Variants in SETX observed in about 807,000 individuals in gnomAD.
SETX encodes the protein helicase senataxin.
Under a neutral mutation model 227.2 loss-of-function variants are expected in SETX, and 90 were observed. That is an observed-to-expected ratio of 0.40 (90% CI 0.33 to 0.47). The LOEUF (loss-of-function observed/expected upper bound fraction) is 0.47. SETX is among the 20% of genes least tolerant of loss of function. The probability of loss-of-function intolerance (pLI) is 0.91; values close to 1 mark genes in which losing one functional copy is unlikely to be tolerated. For missense variants in SETX, 3,052 were observed against 3,181.5 expected (o/e 0.96, Z 0.98); for synonymous variants, 1,210 against 1,113.2 (o/e 1.09, Z -1.73).
chr9:132,335,307 C>A (rs796902714), intron 6 of SETX, among the ~76,000 whole-genome samples: 18 of 132,662 alleles, frequency 1.4e-4, no homozygotes, highest in African/African-American at 4.7e-4. Context: ...AGGAGAATGG[C>A]GTGAACCCAG....
At chr9:132,317,366 C>T (rs919921960) in intron 10 of SETX, among the ~76,000 whole-genome samples, 3 of 152,168 alleles carry the variant, frequency 2.0e-5, no homozygotes, top group African/African-American at 7.2e-5. Context: ...TTCATTGCTC[C>T]ATTTTTGTCA....
intron 5 of SETX, among the ~76,000 whole-genome samples, chr9:132,342,062 T>A (rs1848008951): frequency 6.6e-6 from 1 of 152,320 alleles, no homozygotes; most frequent in Non-Finnish European, 1.5e-5. Flanking sequence ...GTAATTTTTC[T>A]TGCCTTACAT....
chr9:132,297,715 T>C (rs1343401705), intron 13 of SETX, among the ~76,000 whole-genome samples: 1 of 152,220 alleles, frequency 6.6e-6, no homozygotes, highest in Non-Finnish European at 1.5e-5. Flanking sequence ...GCTTCACATG[T>C]TCAGTTGACA....
rs1427485242 is a variant in SETX, at chr9:132,264,460, G to A, written c.7813C>T (p.Arg2605Trp). 22 of 1,613,758 alleles carry A rather than the reference G, an allele frequency of 1.4e-5. No individual in the cohort carries two copies. The highest frequency in any genetic ancestry group is 4.4e-5 in the South Asian group (4 of 91,078). Residue 2605 changes from arginine to tryptophan, a missense_variant, in exon 26 of 26, where the codon CGG (arginine) becomes TGG (tryptophan). This residue lies in a region of SETX where 294 missense variants were observed against 278.8 expected (regional missense o/e 1.05). Transcript: ENST00000224140. Reference protein sequence around the residue: ...AALSSHKPPVRGEPPAASPEA... With the variant: ...AALSSHKPPVWGEPPAASPEA... ...GGACTGGCAGCTGGAGGTTCGCCCCGCACGGGAGGTTTGTGGCTGCTCAGA... is the reference window on the plus strand; with the variant it reads ...GGACTGGCAGCTGGAGGTTCGCCCCACACGGGAGGTTTGTGGCTGCTCAGA...
rs368602563 is a variant in SETX at position 132,271,745 on chromosome 9, C to G, written c.7164G>C (p.Thr2388=). 19 of 1,614,012 alleles carry G rather than the reference C, an allele frequency of 1.2e-5. No individual in the cohort carries two copies. The Admixed American group carries it at 1.7e-4, about 14-fold the overall frequency. ...CTTGGATGCTATTTGCTCTGACACA[C>G]GTAACAATAACACAATCCTTCTGCC... ...QGRQKDCVIV[T]CVRANSIQGS... is the part of the protein sequence containing the mutation. Residue 2388 remains threonine (T), a synonymous_variant, in exon 24 of 26, where the codon ACG becomes ACC. Transcript: ENST00000224140.
intron 17 of SETX, among the ~76,000 whole-genome samples, chr9:132,286,784 C>T (rs1843927146): frequency 6.6e-6 from 1 of 152,244 alleles, no homozygotes; most frequent in Non-Finnish European, 1.5e-5. Context: ...AAATCACACC[C>T]CAACCATTCC....
At chr9:132,325,270 A>G (rs1472409006) in intron 10 of SETX, among the ~76,000 whole-genome samples, 1 of 151,914 alleles carries the variant, frequency 6.6e-6, no homozygotes, top group African/African-American at 2.4e-5. Flanking sequence ...GCAGGAGAAC[A>G]GCCTGAACCC....
Position 132,326,960 on chromosome 9 carries a change from G to A in SETX, c.4638C>T (p.Gly1546=). 4 of 1,614,178 alleles carry A rather than the reference G, an allele frequency of 2.5e-6. No homozygotes were observed. The highest frequency in any genetic ancestry group is 3.4e-6 in the Non-Finnish European group (4 of 1,180,038). ...VSRPQLESLS[G]TKCKYKDCLE... ...GACAATCTTTGTACTTACACTTTGT[G>A]CCACTCAAAGATTCCAACTGAGGCC... Residue 1546 remains glycine (G), a synonymous_variant, in exon 10 of 26, where the codon GGC becomes GGT. Coordinates refer to ENST00000224140, the MANE Select transcript of SETX (RefSeq NM_015046.7).
At chr9:132,292,921 G>A (rs1286444718) in intron 15 of SETX, among the ~76,000 whole-genome samples, 2 of 152,102 alleles carry the variant, frequency 1.3e-5, no homozygotes, top group Non-Finnish European at 2.9e-5. Context: ...ACAGGCGTCA[G>A]CCACCGCACC....
At chr9:132,284,884 G>GTT (rs958802713) in intron 18 of SETX, among the ~76,000 whole-genome samples, 2 of 140,622 alleles carry the variant, frequency 1.4e-5, no homozygotes, top group East Asian at 2.0e-4. Context: ...TTTTTTTGTT[G>GTT]TTTTTTTTTT....
At chr9:132,283,189 T>C (rs2131212066) in intron 19 of SETX, 75 bp downstream of exon 19, 1 of 1,586,426 alleles carries the variant, frequency 6.3e-7, no homozygotes, top group South Asian at 1.1e-5. Context: ...TCCTCAACAT[T>C]TCAGCAGCCA....
Position 132,327,441 on chromosome 9 carries a change from A to G in SETX, c.4157T>C (p.Ile1386Thr). 1 of 1,614,174 alleles carries G rather than the reference A, an allele frequency of 6.2e-7. No individual in the cohort carries two copies. Among genetic ancestry groups the G allele is most frequent in the Non-Finnish European group, 8.5e-7 (1 of 1,180,034 alleles). The change falls in exon 10 of 26, where the codon ATA (isoleucine) becomes ACA (threonine). Residue 1386 changes from isoleucine (I) to threonine (T), a missense_variant. This residue lies in a region of SETX where 1,483 missense variants were observed against 1,312.0 expected (regional missense o/e 1.13). Transcript: ENST00000224140. ...AGSHTAQNSD[I>T]FVPESDRSDY... is the part of the protein sequence containing the mutation. ...TGACCTATCAGATTCTGGTACAAATATGTCAGAATTCTGTGCTGTATGTGA... is the reference window on the plus strand; with the variant it reads ...TGACCTATCAGATTCTGGTACAAATGTGTCAGAATTCTGTGCTGTATGTGA...
At chr9:132,313,673 C>T (rs2131364059) in intron 10 of SETX, among the ~76,000 whole-genome samples, 1 of 152,096 alleles carries the variant, frequency 6.6e-6, no homozygotes, top group East Asian at 1.9e-4. Flanking sequence ...CTAGTAGTTT[C>T]ACACTAAATG....
chr9:132,269,257 TG>T, intron 25 of SETX: 2 of 465,184 alleles, frequency 4.3e-6, no homozygotes, highest in Non-Finnish European at 7.3e-6. Context: ...AAACTCTCTC[TG>T]GCATTAAGCT....
chr9:132,325,514 A>G (rs915622698), intron 10 of SETX, among the ~76,000 whole-genome samples: 5 of 152,246 alleles, frequency 3.3e-5, no homozygotes, highest in African/African-American at 9.6e-5. Flanking sequence ...ACAAATGCAC[A>G]TGGGAAACTA....
chr9:132,291,202 T>C (rs1274136967), intron 15 of SETX, among the ~76,000 whole-genome samples: 2 of 144,790 alleles, frequency 1.4e-5, no homozygotes, highest in Admixed American at 7.0e-5. Flanking sequence ...AGTCTTGCTC[T>C]GTCTCCTAGG....
At chr9:132,306,273 C>A (rs758395332) in intron 11 of SETX, among the ~76,000 whole-genome samples, 3 of 152,158 alleles carry the variant, frequency 2.0e-5, no homozygotes, top group Non-Finnish European at 4.4e-5. Flanking sequence ...AGTGCAATGG[C>A]GCAATCTCGG....
intron 5 of SETX, among the ~76,000 whole-genome samples, chr9:132,337,960 G>A (rs1014167740): frequency 6.6e-5 from 10 of 152,114 alleles, no homozygotes; most frequent in African/African-American, 2.4e-4. Flanking sequence ...CAAAGGATAT[G>A]GCGTGCCTCT....
intron 4 of SETX, among the ~76,000 whole-genome samples, chr9:132,346,053 T>C (rs1848266815): frequency 6.6e-6 from 1 of 152,138 alleles, no homozygotes; most frequent in South Asian, 2.1e-4. Context: ...AGTTACCCTC[T>C]GAACAAGATA....
Sources: allele counts gnomAD v4.1 joint callset (sites outside exome capture counted in the v4.1 genomes callset), GRCh38; gene constraint gnomAD v4.1.1; regional missense constraint gnomAD v4.1.1; transcripts MANE v1.5; gene names NCBI Gene and HGNC (gene_info 2026-07-23, HGNC 2026-07-21).